The following CPHXL2 variants were observed in gnomAD, a reference collection of about 807,000 sequenced individuals.
CPHXL2 encodes the protein cytoplasmic polyadenylated homeobox-like protein 2.
chr16:75,676,734 C>G, the CPHXL2 span, among the ~76,000 whole-genome samples: 1 of 152,118 alleles, frequency 6.6e-6, no homozygotes, highest in Admixed American at 6.6e-5. Context: ...AAAATTTGAT[C>G]TGTAGGTATT....
the CPHXL2 span, among the ~76,000 whole-genome samples, chr16:75,675,038 A>C: frequency 6.6e-6 from 1 of 151,324 alleles, no homozygotes; most frequent in Non-Finnish European, 1.5e-5. Context: ...AAAATACAAA[A>C]ATTAACCAGT....
chr16:75,660,989 C>G, the CPHXL2 span: 1 of 399,240 alleles, frequency 2.5e-6, no homozygotes, highest in South Asian at 1.3e-4. Context: ...TCTCTTGGTT[C>G]TCCAAAGAGA....
the CPHXL2 span, among the ~76,000 whole-genome samples, chr16:75,664,848 C>CA: frequency 6.6e-6 from 1 of 152,142 alleles, no homozygotes; most frequent in African/African-American, 2.4e-5. Flanking sequence ...CTAGTACCCT[C>CA]AGCCACCTTG....
chr16:75,674,740 C>T, the CPHXL2 span, among the ~76,000 whole-genome samples: 8 of 151,968 alleles, frequency 5.3e-5, no homozygotes, highest in South Asian at 2.1e-4. Flanking sequence ...GACAGAGTCT[C>T]GCTCTGTCTC....
At chr16:75,667,913 C>G in the CPHXL2 span, among the ~76,000 whole-genome samples, 2 of 152,294 alleles carry the variant, frequency 1.3e-5, no homozygotes, top group African/African-American at 4.8e-5. Context: ...TCCAAGTAAC[C>G]TTTGAGTCCA....
chr16:75,671,003 C>T, the CPHXL2 span, among the ~76,000 whole-genome samples: 1 of 152,150 alleles, frequency 6.6e-6, no homozygotes, highest in Non-Finnish European at 1.5e-5. Context: ...CTCTTCTGAT[C>T]CCCTTGATTC....
the CPHXL2 span, chr16:75,660,505 C>T: frequency 2.5e-6 from 1 of 398,562 alleles, no homozygotes; most frequent in African/African-American, 2.1e-5. Flanking sequence ...CACTGCTTCT[C>T]TAGATCCCAA....
the CPHXL2 span, among the ~76,000 whole-genome samples, chr16:75,666,516 G>T: frequency 2.3e-3 from 343 of 150,494 alleles, 2 homozygotes; most frequent in African/African-American, 7.9e-3. Flanking sequence ...GCTGAGGCAG[G>T]AGAATTGCTT....
the CPHXL2 span, chr16:75,669,459 C>T: frequency 5.0e-6 from 2 of 400,578 alleles, no homozygotes; most frequent in Admixed American, 4.4e-5. Flanking sequence ...CCTTAAGTTC[C>T]TGCAATAATT....
At chr16:75,665,459 C>T in the CPHXL2 span, among the ~76,000 whole-genome samples, 1 of 152,210 alleles carries the variant, frequency 6.6e-6, no homozygotes, top group Non-Finnish European at 1.5e-5. Flanking sequence ...TACCAAGCCA[C>T]ACTACGAGAA....
At chr16:75,662,499 T>A in the CPHXL2 span, among the ~76,000 whole-genome samples, 1 of 152,096 alleles carries the variant, frequency 6.6e-6, no homozygotes, top group Non-Finnish European at 1.5e-5. Context: ...TTTACAGCTC[T>A]CATCCTGAAG....
chr16:75,672,336 G>A, the CPHXL2 span, among the ~76,000 whole-genome samples: 47 of 151,680 alleles, frequency 3.1e-4, no homozygotes, highest in Non-Finnish European at 5.4e-4. Flanking sequence ...AAATAATTTC[G>A]CACGTATTGT....
chr16:75,671,659 C>A, the CPHXL2 span, among the ~76,000 whole-genome samples: 1 of 151,950 alleles, frequency 6.6e-6, no homozygotes, highest in South Asian at 2.1e-4. Context: ...AACAAAAAAC[C>A]CCAAATAGAA....
the CPHXL2 span, among the ~76,000 whole-genome samples, chr16:75,675,022 C>A: frequency 8.6e-5 from 13 of 151,248 alleles, no homozygotes; most frequent in African/African-American, 3.1e-4. Flanking sequence ...AACCCCGTCT[C>A]TACTAAAAAT....
the CPHXL2 span, among the ~76,000 whole-genome samples, chr16:75,672,882 A>C: frequency 6.6e-6 from 1 of 150,826 alleles, no homozygotes; most frequent in Non-Finnish European, 1.5e-5. Context: ...ATGAGACCTC[A>C]GTTTTAAAAA....
At chr16:75,674,372 CAAAAAAAAAA>C in the CPHXL2 span, among the ~76,000 whole-genome samples, 1 of 53,400 alleles carries the variant, frequency 1.9e-5, no homozygotes, top group Non-Finnish European at 3.7e-5. Flanking sequence ...GACTCCGTCT[CAAAAAAAAAA>C]AAAAAAAAAA....
chr16:75,664,940 A>G, the CPHXL2 span, among the ~76,000 whole-genome samples: 4 of 152,320 alleles, frequency 2.6e-5, no homozygotes, highest in African/African-American at 9.6e-5. Context: ...TGGACTTCTC[A>G]GCCTCCCTAA....
the CPHXL2 span, among the ~76,000 whole-genome samples, chr16:75,664,130 T>C: frequency 1.3e-5 from 2 of 152,172 alleles, no homozygotes; most frequent in African/African-American, 4.8e-5. Flanking sequence ...TTGTCCTGCC[T>C]TTCCAGACCC....
At chr16:75,670,707 G>T in the CPHXL2 span, among the ~76,000 whole-genome samples, 4 of 152,136 alleles carry the variant, frequency 2.6e-5, no homozygotes, top group African/African-American at 9.6e-5. Context: ...TGTTGGCCAA[G>T]GCTGATCTCC....
Sources: gnomAD v4.1 joint callset for allele counts (sites outside exome capture counted in the v4.1 genomes callset) on GRCh38, gnomAD v4.1.1 for gene constraint, MANE v1.5 for transcripts, NCBI Gene and HGNC (gene_info 2026-07-23, HGNC 2026-07-21) for gene names.